CSMD1: variants seen among roughly 807,000 people sequenced by gnomAD.
The protein encoded by CSMD1 is CUB and Sushi multiple domains 1.
Under a neutral mutation model 417.5 loss-of-function variants are expected in CSMD1, and 213 were observed. The ratio of observed to expected loss-of-function variants is 0.51; its 90% confidence interval spans 0.46 to 0.57. The LOEUF is 0.57. CSMD1 is among the 20% of genes least tolerant of loss of function. CSMD1 has a pLI of 0.00. For missense variants in CSMD1, 6,923 were observed against 4,529.7 expected (o/e 1.53, Z -15.17); for synonymous variants, 2,862 against 1,736.8 (o/e 1.65, Z -16.11).
At chr8:4,061,477 C>T (rs538456223) in intron 3 of CSMD1, among the ~76,000 whole-genome samples, 1 of 152,072 alleles carries the variant, frequency 6.6e-6, no homozygotes, top group Admixed American at 6.6e-5. Flanking sequence ...AAAGAGGTGG[C>T]AAAAGGAGTT....
chr8:4,850,467 T>A (rs1010375461), intron 1 of CSMD1, among the ~76,000 whole-genome samples: 3 of 146,098 alleles, frequency 2.1e-5, no homozygotes, highest in Admixed American at 7.0e-5. Context: ...GGAAGCTTCC[T>A]CTCCCTTCAG....
intron 5 of CSMD1, among the ~76,000 whole-genome samples, chr8:3,831,335 C>T (rs1306174722): frequency 6.6e-6 from 1 of 152,142 alleles, no homozygotes; most frequent in Non-Finnish European, 1.5e-5. Context: ...CCATCTGTCT[C>T]CTTCTGGAAT....
At chr8:3,955,351 A>C (rs1373473507) in intron 5 of CSMD1, among the ~76,000 whole-genome samples, 1 of 152,220 alleles carries the variant, frequency 6.6e-6, no homozygotes, top group Non-Finnish European at 1.5e-5. Context: ...AGAAACAAAA[A>C]CCATACATCC....
intron 1 of CSMD1, among the ~76,000 whole-genome samples, chr8:4,918,358 A>G (rs1177587678): frequency 6.6e-6 from 1 of 152,206 alleles, no homozygotes; most frequent in Non-Finnish European, 1.5e-5. Flanking sequence ...TGGAAATCTC[A>G]GAGTGAAAGG....
At chr8:4,055,336 T>A (rs1011890201) in intron 3 of CSMD1, among the ~76,000 whole-genome samples, 1 of 152,118 alleles carries the variant, frequency 6.6e-6, no homozygotes, top group South Asian at 2.1e-4. Context: ...TTTTTATAGA[T>A]TACAAAAATA....
chr8:3,043,773 C>T (rs1811261481), intron 50 of CSMD1: 1 of 152,170 alleles, frequency 6.6e-6, no homozygotes, highest in Admixed American at 6.6e-5. Context: ...ACCGTCAGCT[C>T]AAAGTGAATT....
intron 54 of CSMD1, among the ~76,000 whole-genome samples, chr8:2,981,086 G>A (rs1025624019): frequency 2.0e-5 from 3 of 152,146 alleles, no homozygotes; most frequent in South Asian, 4.1e-4. Context: ...TCCAATAGGA[G>A]ATACAGCTGC....
chr8:4,691,111 G>C (rs1000772656), intron 1 of CSMD1, among the ~76,000 whole-genome samples: 7 of 152,140 alleles, frequency 4.6e-5, no homozygotes, highest in African/African-American at 1.2e-4. Context: ...CCATCTTTAT[G>C]ACAGAATGAA....
intron 3 of CSMD1, among the ~76,000 whole-genome samples, chr8:4,342,478 G>C (rs955607908): frequency 3.9e-5 from 6 of 152,022 alleles, no homozygotes; most frequent in African/African-American, 9.7e-5. Context: ...GGCAGAAAAA[G>C]CACAGGACTA....
At chr8:4,251,784 G>C (rs1004539041) in intron 3 of CSMD1, among the ~76,000 whole-genome samples, 4 of 151,282 alleles carry the variant, frequency 2.6e-5, no homozygotes, top group East Asian at 2.0e-4. Flanking sequence ...GGGATGGAGA[G>C]ATGGAGGAGG....
At chr8:4,018,749 G>A (rs1429687738) in intron 4 of CSMD1, among the ~76,000 whole-genome samples, 1 of 152,174 alleles carries the variant, frequency 6.6e-6, no homozygotes, top group Non-Finnish European at 1.5e-5. Flanking sequence ...GACAGCATGT[G>A]ACAAGGGCCG....
At chr8:4,230,682 A>G (rs934942487) in intron 3 of CSMD1, among the ~76,000 whole-genome samples, 2 of 152,206 alleles carry the variant, frequency 1.3e-5, no homozygotes, top group African/African-American at 4.8e-5. Flanking sequence ...ATAAATTTTT[A>G]CTGCCTAATA....
chr8:3,806,595 G>C (rs1800756330), intron 5 of CSMD1, among the ~76,000 whole-genome samples: 1 of 152,180 alleles, frequency 6.6e-6, no homozygotes, highest in African/African-American at 2.4e-5. Flanking sequence ...CTTCTTCCCA[G>C]AGTAGTAGGA....
chr8:4,002,312 AC>A (rs968382725), intron 4 of CSMD1, among the ~76,000 whole-genome samples: 92 of 152,228 alleles, frequency 6.0e-4, no homozygotes, highest in African/African-American at 2.2e-3. Context: ...CTCTAACAAA[AC>A]TTTTTAACTC....
At chr8:4,484,656 C>T (rs1238653615) in intron 2 of CSMD1, among the ~76,000 whole-genome samples, 1 of 151,874 alleles carries the variant, frequency 6.6e-6, no homozygotes, top group Non-Finnish European at 1.5e-5. Context: ...CTGCATGGTC[C>T]CTACCTGGGA....
intron 1 of CSMD1, among the ~76,000 whole-genome samples, chr8:4,782,363 C>A (rs770887390): frequency 7.9e-5 from 12 of 151,862 alleles, no homozygotes. Context: ...CTGATTATAC[C>A]CCATAAATAT....
chr8:3,703,537 G>A (rs1585102386), intron 7 of CSMD1, among the ~76,000 whole-genome samples: 1 of 152,046 alleles, frequency 6.6e-6, no homozygotes, highest in African/African-American at 2.4e-5. Context: ...GAGGAGGTAT[G>A]GTGTGTGATC....
intron 1 of CSMD1, among the ~76,000 whole-genome samples, chr8:4,640,032 GA>G (rs1803097417): frequency 6.6e-6 from 1 of 152,022 alleles, no homozygotes; most frequent in Non-Finnish European, 1.5e-5. Context: ...TTATAAATTG[GA>G]AAAAAGAAAA....
chr8:4,056,249 T>G (rs1798684388), intron 3 of CSMD1, among the ~76,000 whole-genome samples: 1 of 151,874 alleles, frequency 6.6e-6, no homozygotes. Flanking sequence ...TCCTGGCTAA[T>G]TTTTGTATTT....
Sources: allele counts gnomAD v4.1 joint callset (sites outside exome capture counted in the v4.1 genomes callset), GRCh38; gene constraint gnomAD v4.1.1; transcripts MANE v1.5; gene names NCBI Gene and HGNC (gene_info 2026-07-23, HGNC 2026-07-21).